RFX3: variants seen among roughly 807,000 people sequenced by gnomAD.
RFX3 encodes regulatory factor X3, also known as transcription factor RFX3.
In RFX3, 14 loss-of-function variants were observed where a neutral mutation model predicts 98.6. The observed-to-expected ratio is 0.14, with a 90% CI of 0.09 to 0.22. RFX3 has a LOEUF of 0.22. Among genes scored for constraint, RFX3 ranks in the 10% least tolerant of loss-of-function variants. The pLI, the probability that RFX3 is intolerant of heterozygous loss-of-function variation, is 1.00. For synonymous variants in RFX3, 383 were observed against 328.4 expected (o/e 1.17, Z -1.80); for missense variants, 639 against 926.9 (o/e 0.69, Z 4.03).
chr9:3,281,539 C>T (rs1825915146), intron 7 of RFX3, among the ~76,000 whole-genome samples: 1 of 151,690 alleles, frequency 6.6e-6, no homozygotes, highest in African/African-American at 2.4e-5. Context: ...CTGAGAAAGA[C>T]CTGTGCTTTA....
At chr9:3,463,016 A>G (rs1007781365) in intron 1 of RFX3, among the ~76,000 whole-genome samples, 5 of 152,276 alleles carry the variant, frequency 3.3e-5, no homozygotes, top group East Asian at 1.9e-4. Context: ...AGTCAATGCA[A>G]TTCCAATCAA....
At chr9:3,270,081 GGAAAGAAAGAAAGAAA>G (rs57222273) in intron 11 of RFX3, among the ~76,000 whole-genome samples, 375 of 137,874 alleles carry the variant, frequency 2.7e-3, no homozygotes, top group African/African-American at 5.5e-3. Flanking sequence ...AGAGAAAGAA[GGAAAGAAAGAAAGAAA>G]GAAAGAAAGA....
chr9:3,503,322 A>G lies in RFX3; in HGVS notation c.-9+22425T>C, dbSNP rs1272451094. 3.9e-5 allele frequency among the ~76,000 whole-genome samples: 6 copies of G among 152,264 alleles called. No individual in the cohort carries two copies. The South Asian group carries it at 1.2e-3, about 32-fold the overall frequency. ...ATTGTATAAGTTCAAAGAGAGAAAG[A>G]TGGTTTTTTGCTTTGCTTAAGGTTC... On this transcript the variant is annotated intron_variant, in intron 1 of 16. Transcript: ENST00000617270.
chr9:3,396,201 C>T (rs1465804158), intron 1 of RFX3, among the ~76,000 whole-genome samples: 3 of 152,074 alleles, frequency 2.0e-5, no homozygotes, highest in Non-Finnish European at 2.9e-5. Context: ...CCCCTCCACC[C>T]CACAACAGGC....
intron 1 of RFX3, among the ~76,000 whole-genome samples, chr9:3,435,426 C>A (rs1018129826): frequency 2.0e-5 from 3 of 151,662 alleles, no homozygotes; most frequent in Non-Finnish European, 4.4e-5. Context: ...AAAATTAAGA[C>A]ACAAACATAC....
intron 7 of RFX3, among the ~76,000 whole-genome samples, 176 bp from the exon 8 acceptor site, chr9:3,277,637 G>C (rs576355675): frequency 6.6e-6 from 1 of 151,200 alleles, no homozygotes; most frequent in Non-Finnish European, 1.5e-5. Context: ...TTTTTCAATT[G>C]TGAAAAGAAA....
intron 4 of RFX3, among the ~76,000 whole-genome samples, chr9:3,326,679 G>A (rs2991308): frequency 2.6e-5 from 4 of 152,086 alleles, no homozygotes; most frequent in East Asian, 1.9e-4. Flanking sequence ...TCTTTGTTAC[G>A]GGTGCATAGT....
At chr9:3,251,234 C>T (rs612198) in intron 14 of RFX3, among the ~76,000 whole-genome samples, 120,142 of 152,140 alleles carry the variant, frequency 0.79, 48,979 homozygotes, top group Non-Finnish European at 0.89. Context: ...AGTTAAATAG[C>T]CTATGGTAAA....
In RFX3 at chr9:3,480,894, G is replaced by C. The variant is rs183242901; in HGVS notation, c.-9+44853C>G. On this transcript the variant is annotated intron_variant, in intron 1 of 16. Transcript: ENST00000617270. ...TAAGGAAATATTATTTAGCTGACAG[G>C]ATGGTAAGTATAATCAACCTAGCTA... is the stretch of plus-strand genomic sequence containing the variant. Among the ~76,000 whole-genome samples, 457 of 152,204 alleles carry C rather than the reference G, an allele frequency of 3.0e-3. 3 individuals carry two copies. The highest frequency in any genetic ancestry group is 0.011 in the African/African-American group (442 of 41,538).
rs541652991 is a variant in RFX3 at position 3,442,293 on chromosome 9, G to A, written c.-8-46697C>T. On this transcript the variant is annotated intron_variant, in intron 1 of 16. Transcript: ENST00000617270. ...AGGTTAAGCAACATCAATGATAAGC[G>A]TATATTGATACCATATGATGTGATG... Among the ~76,000 whole-genome samples the A allele has an allele frequency of 4.0e-4, 61 of 152,020 alleles. No individual in the cohort carries two copies. The Middle Eastern group carries it at 0.01, about 26-fold the overall frequency.
intron 2 of RFX3, among the ~76,000 whole-genome samples, chr9:3,389,204 C>T (rs571221174): frequency 4.6e-5 from 7 of 152,208 alleles, no homozygotes; most frequent in African/African-American, 1.7e-4. Flanking sequence ...TTGTCTTTCT[C>T]CTGGATGTTT....
At chr9:3,376,558 G>C (rs541738575) in intron 2 of RFX3, among the ~76,000 whole-genome samples, 2 of 152,130 alleles carry the variant, frequency 1.3e-5, no homozygotes, top group Admixed American at 1.3e-4. Context: ...TTGCACAAAA[G>C]AACATATGTT....
intron 1 of RFX3, among the ~76,000 whole-genome samples, chr9:3,430,742 AT>A (rs1844583536): frequency 6.6e-6 from 1 of 152,102 alleles, no homozygotes; most frequent in African/African-American, 2.4e-5. Context: ...TTATATGTGC[AT>A]TTTTTTCCAA....
chr9:3,525,955 AGCGAGAGG>A lies in RFX3; in HGVS notation c.-225_-218del. The A allele has an allele frequency of 1.9e-6, 1 of 534,030 alleles. No homozygotes were observed. Among genetic ancestry groups the A allele is most frequent in the Non-Finnish European group, 2.3e-6 (1 of 433,166 alleles). The allele number at this position is 534,030 out of a possible 1,614,324, so 33.1% of individuals were successfully genotyped here. ...GAGAGAGAGAGGGAGAGAGAGAGAG[AGCGAGAGG>A]GAGAGGGAGACACTCGCACGGGGAG... On this transcript the variant is annotated 5_prime_UTR_variant, in exon 1 of 17. Coordinates refer to ENST00000617270, the MANE Select transcript of RFX3 (RefSeq NM_001282116.2).
intron 4 of RFX3, among the ~76,000 whole-genome samples, chr9:3,316,677 G>T (rs1311847605): frequency 4.6e-5 from 7 of 152,170 alleles, no homozygotes; most frequent in Non-Finnish European, 2.9e-5. Flanking sequence ...CTTCAGCAAA[G>T]TCTCAGGCTA....
At chr9:3,251,878 C>T (rs1408902964) in intron 14 of RFX3, among the ~76,000 whole-genome samples, 2 of 151,510 alleles carry the variant, frequency 1.3e-5, no homozygotes, top group East Asian at 2.0e-4. Context: ...GATGGAGTCT[C>T]GCTCTTGTTG....
chr9:3,330,433 G>T lies in RFX3; in HGVS notation c.300C>A (p.Ser100=). The change falls in exon 4 of 17, where the codon TCC becomes TCA. Residue 100 remains serine (S), a synonymous_variant. Transcript: ENST00000617270. ...GGNYFDTQGS[S]AQVTTVVSSH... ...ATGAGACCACGGTAGTCACCTGGGC[G>T]GAACTCCCTTGAGTATCAAAGTAAT... 1.2e-6 allele frequency: 2 copies of T among 1,614,062 alleles called. No individual in the cohort carries two copies. The highest frequency in any genetic ancestry group is 1.7e-6 in the Non-Finnish European group (2 of 1,179,994).
intron 2 of RFX3, among the ~76,000 whole-genome samples, chr9:3,350,554 T>A (rs191994971): frequency 2.5e-4 from 38 of 152,266 alleles, no homozygotes; most frequent in African/African-American, 8.7e-4. Context: ...CCAGTAATCA[T>A]GTTCCCTGGT....
At chr9:3,444,296 G>C (rs1845845744) in intron 1 of RFX3, among the ~76,000 whole-genome samples, 1 of 152,120 alleles carries the variant, frequency 6.6e-6, no homozygotes, top group African/African-American at 2.4e-5. Flanking sequence ...TCTGCTAAGT[G>C]AAAGAAGCCA....
Sources: gnomAD v4.1 joint callset for allele counts (sites outside exome capture counted in the v4.1 genomes callset) on GRCh38, gnomAD v4.1.1 for gene constraint, MANE v1.5 for transcripts, NCBI Gene and HGNC (gene_info 2026-07-23, HGNC 2026-07-21) for gene names.